The following HSPG2 variants were observed in gnomAD, a reference collection of about 807,000 sequenced individuals.
The protein encoded by HSPG2 is basement membrane-specific heparan sulfate proteoglycan core protein.
A neutral mutation model predicts 526.6 loss-of-function variants in HSPG2; 278 were observed. The ratio of observed to expected loss-of-function variants is 0.53; its 90% CI spans 0.48 to 0.58. The LOEUF is 0.58. Among genes scored for constraint, HSPG2 ranks in the 20% least tolerant of loss-of-function variants. HSPG2 has a pLI of 0.00. For synonymous variants in HSPG2, 2,465 were observed against 2,555.4 expected (o/e 0.96, Z 1.07); for missense variants, 5,354 against 6,099.5 (o/e 0.88, Z 4.07).
At position 21,831,712 on chromosome 1, in the gene HSPG2, G is replaced by A; in HGVS notation, c.11292C>T (p.Arg3764=). 1 of 1,606,302 alleles carries A rather than the reference G, an allele frequency of 6.2e-7. No homozygotes were observed. Among genetic ancestry groups the A allele is most frequent in the Non-Finnish European group, 8.5e-7 (1 of 1,175,380 alleles). ...LGHFHTVTLL[R]SLTQGSLIVG... is the part of the protein sequence containing the mutation. ...CAATCAGGGAGCCCTGGGTGAGGCT[G>A]CGCAGCAGGGTCACGGTGTGGAAAT... Residue 3764 remains arginine (R), a synonymous_variant, in exon 82 of 97, where the codon CGC becomes CGT. Transcript: ENST00000374695.
chr1:21,872,282 G>C lies in HSPG2; in HGVS notation c.4125C>G (p.Pro1375=). 6.4e-7 allele frequency: 1 copy of C among 1,562,282 alleles called. No individual in the cohort carries two copies. The stretch of plus-strand genomic sequence containing the variant: ...AAGAGAGCTGGGCACCCTCGGGCAC[G>C]GGTTCCACAGTGAATTCTCCTGTCA... The part of the protein sequence containing the change: ...SRLTGEFTVE[P]VPEGAQLSFG... Residue 1375 remains proline, a synonymous_variant, in exon 33 of 97, where the codon CCC becomes CCG. Coordinates refer to ENST00000374695, the MANE Select transcript of HSPG2 (RefSeq NM_005529.7). The surrounding 1 kb of genome is among the most constrained non-coding windows in gnomAD (Gnocchi z 5.5).
Position 21,850,484 on chromosome 1 carries a change from C to G in HSPG2, c.7173G>C (p.Leu2391=). The G allele has an allele frequency of 6.2e-7, 1 of 1,610,630 alleles. No homozygotes were observed. ...LPVRHQTHGS[L]LRLYQASPAD... ...CGGGGGACGCTTGGTAGAGTCTCAG[C>G]AGGGAGCCGTGGGTCTGGCCAGAAT... Residue 2391 remains leucine (L), a synonymous_variant, in exon 56 of 97, where the codon CTG becomes CTC. Coordinates refer to ENST00000374695, the MANE Select transcript of HSPG2 (RefSeq NM_005529.7).
chr1:21,837,117 T>C (rs1394183210), intron 74 of HSPG2, 111 bp from the exon 75 acceptor site: 7 of 982,358 alleles, frequency 7.1e-6, no homozygotes, highest in African/African-American at 4.8e-5. Flanking sequence ...GTTCTCCTGA[T>C]AGCCTCTCTG....
At chr1:21,888,843 G>A in intron 6 of HSPG2, 1 of 530,986 alleles carries the variant, frequency 1.9e-6, no homozygotes, top group Middle Eastern at 5.6e-4. Context: ...GAGGAGGGCT[G>A]GACCCCCAGC....
At position 21,833,336 on chromosome 1, in the gene HSPG2, A is replaced by C; in HGVS notation, c.11027T>G (p.Leu3676Arg). The change falls in exon 80 of 97, where the codon CTG (leucine) becomes CGG (arginine). Residue 3676 changes from leucine (L) to arginine (R), a missense_variant. Coordinates refer to ENST00000374695, the MANE Select transcript of HSPG2 (RefSeq NM_005529.7). Reference sequence around the variant, plus strand: ...CCTGTAGGCATCCTTGATGGTGGGCAGCGGTAGGAAGGAGTAGGGGGTCTG... The same window carrying C: ...CCTGTAGGCATCCTTGATGGTGGGCCGCGGTAGGAAGGAGTAGGGGGTCTG... ...FTQTPYSFLP[L>R]PTIKDAYRKF... The C allele has an allele frequency of 6.2e-7, 1 of 1,614,098 alleles. No homozygotes were observed. Among genetic ancestry groups the C allele is most frequent in the Non-Finnish European group, 8.5e-7 (1 of 1,180,010 alleles).
At chr1:21,922,840 T>C (rs11579545) in intron 1 of HSPG2, among the ~76,000 whole-genome samples, 66,968 of 152,040 alleles carry the variant, frequency 0.44, 18,188 homozygotes, top group Middle Eastern at 0.65. Context: ...GCCCTAGCCA[T>C]CCCAGTACCC....
At chr1:21,856,555 T>G (rs1639354398) in intron 44 of HSPG2, among the ~76,000 whole-genome samples, 1 of 152,104 alleles carries the variant, frequency 6.6e-6, no homozygotes, top group South Asian at 2.1e-4. Flanking sequence ...GTAGCTGGGA[T>G]TATAGGCACC....
At chr1:21,889,327 C>A (rs1057084585) in intron 6 of HSPG2, among the ~76,000 whole-genome samples, 1 of 152,150 alleles carries the variant, frequency 6.6e-6, no homozygotes, top group African/African-American at 2.4e-5. Flanking sequence ...AGACCAAAGG[C>A]ACAGTAGAAG....
chr1:21,914,573 C>G (rs943885630), intron 1 of HSPG2, among the ~76,000 whole-genome samples: 7 of 152,124 alleles, frequency 4.6e-5, no homozygotes, highest in African/African-American at 1.2e-4. Context: ...TGGGGAGGAG[C>G]AGAAAGGTAG....
intron 1 of HSPG2, among the ~76,000 whole-genome samples, chr1:21,929,064 C>T (rs527662020): frequency 6.6e-6 from 1 of 152,178 alleles, no homozygotes; most frequent in Admixed American, 6.5e-5. Flanking sequence ...CCCAGCCTCA[C>T]TTGAAGTTTT....
In HSPG2 at chr1:21,834,790, C is replaced by T. The variant is rs145048530; in HGVS notation, c.10609G>A (p.Gly3537Arg). 1.0e-4 allele frequency: 166 copies of T among 1,614,184 alleles called. No individual in the cohort carries two copies. The African/African-American group carries it at 1.6e-3, about 16-fold the overall frequency. Reference protein sequence around the residue: ...GHLRPGIVQSGGVVRIAHVEL... With the variant: ...GHLRPGIVQSRGVVRIAHVEL... ...ACGTGGGCGATCCTGACGACACCTC[C>T]GCTCTGCACAATGCCTGGCCGCAGG... Residue 3537 changes from glycine (G) to arginine (R), a missense_variant, in exon 77 of 97, where the codon GGA (glycine) becomes AGA (arginine). Gly to Arg is a moderately radical substitution (Grantham distance 125). Transcript: ENST00000374695.
At position 21,937,225 on chromosome 1, in the gene HSPG2, C is replaced by T; in HGVS notation, c.-8G>A. On this transcript the variant is annotated 5_prime_UTR_variant, in exon 1 of 97. Coordinates refer to ENST00000374695, the MANE Select transcript of HSPG2 (RefSeq NM_005529.7). ...CGCCGCCCGCCACCCCATGGCCCGG[C>T]CCGCGCCGCTCTCTCGCTCGCTCGC... The T allele has an allele frequency of 9.9e-7, 1 of 1,014,488 alleles. No individual in the cohort carries two copies. Among genetic ancestry groups the T allele is most frequent in the Non-Finnish European group, 1.2e-6 (1 of 844,388 alleles). The allele number at this position is 1,014,488 out of a possible 1,614,324, so 62.8% of individuals were successfully genotyped here.
Position 21,853,758 on chromosome 1 carries a change from AAAT to A in HSPG2, c.6439+432_6439+434del, listed in dbSNP as rs771745471. 130 of 123,652 alleles carry A rather than the reference AAAT, an allele frequency of 1.1e-3. 6 individuals carry two copies. The highest frequency in any genetic ancestry group is 4.4e-3 in the South Asian group (25 of 5,736). 7.7% of individuals were successfully genotyped at this position (123,652 alleles called of 1,614,324 possible). A position where few individuals can be genotyped will look rare whatever the true frequency, so the allele number is the denominator to read the frequency against. On this transcript the variant is annotated intron_variant, in intron 50 of 96. Coordinates refer to ENST00000374695, the MANE Select transcript of HSPG2 (RefSeq NM_005529.7). ...AGCGAGACTCTCTCTCAAAAAAATA[AAAT>A]AAAATAAAATAAAATAAAATAAAAT...
In HSPG2 at chr1:21,831,723, T is replaced by C; in HGVS notation, c.11281A>G (p.Thr3761Ala). 6.2e-7 allele frequency: 1 copy of C among 1,606,458 alleles called. No individual in the cohort carries two copies. The highest frequency in any genetic ancestry group is 8.5e-7 in the Non-Finnish European group (1 of 1,175,082). Reference protein sequence around the residue: ...PLALGHFHTVTLLRSLTQGSL... With the variant: ...PLALGHFHTVALLRSLTQGSL... ...CCCTGGGTGAGGCTGCGCAGCAGGG[T>C]CACGGTGTGGAAATGGCCCAGGGCC... is the stretch of plus-strand genomic sequence containing the variant. The change falls in exon 82 of 97, where the codon ACC becomes GCC. Residue 3761 changes from threonine to alanine, a missense_variant. By Grantham distance (58) the Thr-to-Ala change is moderately conservative. Coordinates refer to ENST00000374695, the MANE Select transcript of HSPG2 (RefSeq NM_005529.7).
At chr1:21,916,903 A>T (rs1268242880) in intron 1 of HSPG2, among the ~76,000 whole-genome samples, 10 of 152,326 alleles carry the variant, frequency 6.6e-5, no homozygotes, top group Admixed American at 5.2e-4. Context: ...TAGGCTGCAG[A>T]GGCAAAATCG....
At position 21,848,782 on chromosome 1, in the gene HSPG2, G is replaced by C; in HGVS notation, c.7598C>G (p.Ala2533Gly). 2 of 1,613,690 alleles carry C rather than the reference G, an allele frequency of 1.2e-6. No homozygotes were observed. The highest frequency in any genetic ancestry group is 8.5e-7 in the Non-Finnish European group (1 of 1,179,974). Residue 2533 changes from alanine (A) to glycine (G), a missense_variant, in exon 59 of 97, where the codon GCG becomes GGG. By Grantham distance (60) the Ala-to-Gly change is moderately conservative (BLOSUM62 0). Coordinates refer to ENST00000374695, the MANE Select transcript of HSPG2 (RefSeq NM_005529.7). This position sits in a 1 kb window ranked among gnomAD's most constrained non-coding sequence, Gnocchi z 4.9. ...GGAGGACTCGATGCGGACGGGGTAC[G>C]CCACACCCTGGGCTGGGAGGGTGAG... is the stretch of plus-strand genomic sequence containing the variant. Reference protein sequence around the residue: ...RLSGSHSQGVAYPVRIESSSA... With the variant: ...RLSGSHSQGVGYPVRIESSSA...
chr1:21,829,672 G>C, intron 86 of HSPG2, 68 bp from the exon 87 acceptor site: 1 of 1,362,966 alleles, frequency 7.3e-7, no homozygotes, highest in Non-Finnish European at 1.0e-6. Context: ...CAGCTACTCT[G>C]CCTTCCTCTG....
rs1198093846 is a variant in HSPG2 at position 21,839,154 on chromosome 1, C to T, written c.9890-69G>A. 18 of 1,535,686 alleles carry T rather than the reference C, an allele frequency of 1.2e-5. No homozygotes were observed. Among genetic ancestry groups the T allele is most frequent in the Non-Finnish European group, 1.6e-5 (18 of 1,135,866 alleles). On this transcript the variant is annotated intron_variant, in intron 73 of 96. Transcript: ENST00000374695. This position sits in a 1 kb window ranked among gnomAD's most constrained non-coding sequence, Gnocchi z 4.5. Reference sequence around the variant, plus strand: ...TCAGAATGGCAGCAGGTCGTTGGATCCAGTGTCCAGGGAAGCTGAATGGTG... The same window carrying T: ...TCAGAATGGCAGCAGGTCGTTGGATTCAGTGTCCAGGGAAGCTGAATGGTG...
intron 17 of HSPG2, 100 bp from the exon 18 acceptor site, chr1:21,879,221 C>A: frequency 7.1e-7 from 1 of 1,406,326 alleles, no homozygotes; most frequent in South Asian, 1.2e-5. Context: ...CCCCATCACG[C>A]TGGAGGCACA....
Sources: gnomAD v4.1 joint callset for allele counts (sites outside exome capture counted in the v4.1 genomes callset) on GRCh38, gnomAD v4.1.1 for gene constraint, Gnocchi (gnomAD v3.1) non-coding constraint, MANE v1.5 for transcripts, NCBI Gene and HGNC (gene_info 2026-07-23, HGNC 2026-07-21) for gene names.